The following KCNQ5 variants were observed in gnomAD, a reference collection of about 807,000 sequenced individuals.
The protein encoded by KCNQ5 is potassium voltage-gated channel subfamily KQT member 5.
KCNQ5 carries 30 observed loss-of-function variants against 98.2 expected under a neutral mutation model. That is an observed-to-expected ratio of 0.31 (90% CI 0.23 to 0.41). KCNQ5 has a LOEUF of 0.41. Ranked by LOEUF, KCNQ5 falls within the 10% of genes least tolerant of loss-of-function variation. KCNQ5 has a pLI of 1.00. For missense variants in KCNQ5, 835 were observed against 1,182.5 expected (o/e 0.71, Z 4.31); for synonymous variants, 458 against 449.4 (o/e 1.02, Z -0.24).
intron 10 of KCNQ5, chr6:73,157,940 C>T: frequency 1.3e-6 from 1 of 771,048 alleles, no homozygotes; most frequent in Middle Eastern, 2.8e-4. Context: ...ACAAAACAGG[C>T]TGTCTCGCGG....
rs1462189106 is a variant in KCNQ5 at position 72,788,335 on chromosome 6, TAAC to T, written c.398+165751_398+165753del. On this transcript the variant is annotated intron_variant, in intron 1 of 13. Transcript: ENST00000370398. ...CATGGGAAGATCCCTTTGCCTGTATTAACAAGACTTTGGATATCTGTAAGATGG... is the reference window on the plus strand; with the variant it reads ...CATGGGAAGATCCCTTTGCCTGTATTAAGACTTTGGATATCTGTAAGATGG... Among the ~76,000 whole-genome samples the T allele has an allele frequency of 4.6e-5, 7 of 152,338 alleles. No individual in the cohort carries two copies. The East Asian group carries it at 1.2e-3, about 25-fold the overall frequency.
At chr6:72,724,088 A>G in intron 1 of KCNQ5, among the ~76,000 whole-genome samples, 1 of 152,162 alleles carries the variant, frequency 6.6e-6, no homozygotes, top group East Asian at 1.9e-4. Flanking sequence ...TATTTTATAT[A>G]GATGTTTTCT....
rs201977979 is a variant in KCNQ5 at position 73,190,713 on chromosome 6, T to A, written c.1709+9T>A. On this transcript the variant is annotated intron_variant, in intron 12 of 13. Coordinates refer to ENST00000370398, the MANE Select transcript of KCNQ5 (RefSeq NM_019842.4). ...AAAAGCCTTCAAACACGGTAAGCAA[T>A]GGAAATGTCATTCCTTGTAAAGGAA... The A allele has an allele frequency of 6.6e-7, 1 of 1,518,690 alleles. No individual in the cohort carries two copies. The highest frequency in any genetic ancestry group is 8.9e-7 in the Non-Finnish European group (1 of 1,128,656). The allele number at this position is 1,518,690 out of a possible 1,614,324, so 94.1% of individuals were successfully genotyped here. A position where few individuals can be genotyped will look rare whatever the true frequency, so the allele number is the denominator to read the frequency against.
chr6:73,111,116 G>T (rs964006652), intron 6 of KCNQ5, among the ~76,000 whole-genome samples, 192 bp from the exon 7 acceptor site: 4 of 152,156 alleles, frequency 2.6e-5, no homozygotes, highest in African/African-American at 9.7e-5. Flanking sequence ...TGGCAGTATT[G>T]CCCAACAATT....
intron 1 of KCNQ5, among the ~76,000 whole-genome samples, chr6:72,995,351 A>G: frequency 6.7e-6 from 1 of 150,030 alleles, no homozygotes; most frequent in East Asian, 1.9e-4. Flanking sequence ...CTAGGCAACA[A>G]GAGCGAAACT....
At chr6:72,690,207 G>A (rs1172374771) in intron 1 of KCNQ5, among the ~76,000 whole-genome samples, 2 of 152,064 alleles carry the variant, frequency 1.3e-5, no homozygotes, top group Non-Finnish European at 2.9e-5. Flanking sequence ...AGAAGCCAGA[G>A]GTTGCAGTGA....
intron 1 of KCNQ5, among the ~76,000 whole-genome samples, chr6:72,735,377 T>C (rs764133164): frequency 2.0e-4 from 31 of 152,314 alleles, no homozygotes; most frequent in Non-Finnish European, 3.5e-4. Flanking sequence ...GCATTTTAGA[T>C]GTTTTCAAAT....
At chr6:73,012,687 G>T (rs1406533276) in intron 2 of KCNQ5, among the ~76,000 whole-genome samples, 3 of 151,966 alleles carry the variant, frequency 2.0e-5, no homozygotes, top group African/African-American at 7.2e-5. Flanking sequence ...GATTAAATGA[G>T]CATTAGGAAA....
Position 72,939,152 on chromosome 6 carries a change from G to A in KCNQ5, c.399-64756G>A, listed in dbSNP as rs374940532. ...TTACAGAACGCTCAGTGCTTTTGGCGAGCGGGTGGAAGCTGGGTTGAGGAG... is the reference window on the plus strand; with the variant it reads ...TTACAGAACGCTCAGTGCTTTTGGCAAGCGGGTGGAAGCTGGGTTGAGGAG... On this transcript the variant is annotated intron_variant, in intron 1 of 13. Coordinates refer to ENST00000370398, the MANE Select transcript of KCNQ5 (RefSeq NM_019842.4). Among the ~76,000 whole-genome samples the A allele has an allele frequency of 2.3e-4, 35 of 152,256 alleles. No individual in the cohort carries two copies. In the East Asian group the frequency reaches 2.3e-3, roughly 10 times the overall value.
chr6:72,799,311 G>A (rs993451384), intron 1 of KCNQ5, among the ~76,000 whole-genome samples: 2 of 152,102 alleles, frequency 1.3e-5, no homozygotes, highest in African/African-American at 4.8e-5. Flanking sequence ...CCCTGTCAAG[G>A]TAATCTCCTT....
At chr6:72,650,448 A>G (rs576576670) in intron 1 of KCNQ5, among the ~76,000 whole-genome samples, 1 of 152,282 alleles carries the variant, frequency 6.6e-6, no homozygotes, top group South Asian at 2.1e-4. Flanking sequence ...TTATATAGCT[A>G]TGTAAAAAAG....
intron 1 of KCNQ5, among the ~76,000 whole-genome samples, chr6:72,813,735 T>C (rs1165851346): frequency 6.6e-6 from 1 of 152,232 alleles, no homozygotes; most frequent in Non-Finnish European, 1.5e-5. Flanking sequence ...CATTCTCTCA[T>C]ATACTTTAAA....
At chr6:72,986,840 A>T in intron 1 of KCNQ5, 1 of 1,062,280 alleles carries the variant, frequency 9.4e-7, no homozygotes, top group Non-Finnish European at 1.5e-6. Flanking sequence ...CCAGGACCCC[A>T]CAGCCCTCTC....
At chr6:73,022,677 A>G (rs1194480902) in intron 2 of KCNQ5, among the ~76,000 whole-genome samples, 3 of 152,176 alleles carry the variant, frequency 2.0e-5, no homozygotes, top group African/African-American at 7.2e-5. Flanking sequence ...GCCCTAGCTC[A>G]TTCCTGACTT....
rs577079624 is a variant in KCNQ5, at chr6:73,161,229, T to C, written c.1469-8517T>C. The stretch of plus-strand genomic sequence containing the variant: ...GGCACAGAAAGAAATAGATCATATG[T>C]GCTCATTCATATGTGGGACCGAAAA... On this transcript the variant is annotated intron_variant, in intron 10 of 13. Transcript: ENST00000370398. 6.1e-4 allele frequency among the ~76,000 whole-genome samples: 93 copies of C among 152,310 alleles called. 2 individuals are homozygous for C. Among genetic ancestry groups the C allele is most frequent in the African/African-American group, 2.1e-3 (86 of 41,564 alleles).
At chr6:72,737,437 G>A (rs960443726) in intron 1 of KCNQ5, among the ~76,000 whole-genome samples, 2 of 152,142 alleles carry the variant, frequency 1.3e-5, no homozygotes, top group Non-Finnish European at 2.9e-5. Context: ...AAGGATAAAG[G>A]TGTGTGACTT....
chr6:73,120,618 T>C, intron 8 of KCNQ5, 41 bp downstream of exon 8: 1 of 1,363,510 alleles, frequency 7.3e-7, no homozygotes, highest in Non-Finnish European at 1.0e-6. Context: ...GTTGAGTCTT[T>C]TCAAGTCTGT....
chr6:73,192,806 G>A (rs948685715), intron 13 of KCNQ5, 115 bp downstream of exon 13: 25 of 955,332 alleles, frequency 2.6e-5, no homozygotes, highest in Non-Finnish European at 2.7e-5. Flanking sequence ...ATCACAAAAA[G>A]AGTGAATAAA....
At chr6:72,684,930 C>T (rs1767878647) in intron 1 of KCNQ5, among the ~76,000 whole-genome samples, 1 of 152,092 alleles carries the variant, frequency 6.6e-6, no homozygotes, top group African/African-American at 2.4e-5. Flanking sequence ...TCCATCTCTC[C>T]TCTATATAAT....
Sources: allele counts gnomAD v4.1 joint callset (sites outside exome capture counted in the v4.1 genomes callset), GRCh38; gene constraint gnomAD v4.1.1; transcripts MANE v1.5; gene names NCBI Gene and HGNC (gene_info 2026-07-23, HGNC 2026-07-21).